Variants in MTREX observed in about 807,000 individuals in gnomAD.
MTREX encodes the protein Mtr4 exosome RNA helicase.
Under a neutral mutation model 135.4 loss-of-function variants are expected in MTREX, and 76 were observed. That is an observed-to-expected ratio of 0.56 (90% CI 0.47 to 0.68). The LOEUF (loss-of-function observed/expected upper bound fraction) is 0.68, where lower values mean the gene tolerates loss of function less well. Ranked by LOEUF, MTREX falls within the 30% of genes least tolerant of loss-of-function variation. MTREX has a pLI of 0.00. For missense variants in MTREX, 920 were observed against 1,262.1 expected (o/e 0.73, Z 4.11); for synonymous variants, 404 against 401.6 (o/e 1.01, Z -0.07).
At chr5:55,345,051 T>C (rs764290200) in intron 9 of MTREX, 43 bp from the exon 10 acceptor site, 2 of 1,134,150 alleles carry the variant, frequency 1.8e-6, no homozygotes, top group East Asian at 4.8e-5. Flanking sequence ...TGAATTATGA[T>C]TAAGTATTAG....
At chr5:55,338,794 T>C (rs1344259276) in intron 5 of MTREX, among the ~76,000 whole-genome samples, 1 of 140,126 alleles carries the variant, frequency 7.1e-6, no homozygotes, top group Non-Finnish European at 1.5e-5. Flanking sequence ...TTCTTTTTTT[T>C]TTTTTTTTTT....
intron 3 of MTREX, among the ~76,000 whole-genome samples, chr5:55,325,684 T>C (rs1300343291): frequency 6.6e-6 from 1 of 151,974 alleles, no homozygotes; most frequent in Non-Finnish European, 1.5e-5. Context: ...TATCGTGTAA[T>C]GCTGAGGTTT....
intron 21 of MTREX, among the ~76,000 whole-genome samples, chr5:55,403,296 A>T (rs1400844267): frequency 2.6e-5 from 4 of 152,156 alleles, no homozygotes; most frequent in Non-Finnish European, 5.9e-5. Context: ...CAATCCATGG[A>T]TGTGGAACCC....
intron 16 of MTREX, among the ~76,000 whole-genome samples, chr5:55,373,021 C>T (rs1750231508): frequency 6.7e-6 from 1 of 149,236 alleles, no homozygotes; most frequent in Non-Finnish European, 1.5e-5. Context: ...GCACTTTAGG[C>T]CTTAGAAATA....
At chr5:55,327,636 ATCAT>A in intron 3 of MTREX, 76 bp from the exon 4 acceptor site, 1 of 1,082,060 alleles carries the variant, frequency 9.2e-7, no homozygotes, top group Non-Finnish European at 1.4e-6. Context: ...TTTCCAAACC[ATCAT>A]TCATTATGGA....
chr5:55,425,015 A>G lies in MTREX; in HGVS notation c.*243A>G. The G allele has an allele frequency of 1.3e-6, 1 of 781,480 alleles. No homozygotes were observed. Among genetic ancestry groups the G allele is most frequent in the Non-Finnish European group, 2.0e-6 (1 of 501,206 alleles). 48.4% of individuals were successfully genotyped at this position (781,480 alleles called of 1,614,324 possible). ...TGGAAGGCTTGGAGTTTTTTTAATG[A>G]GTTTAGAGCTATTAGATAACCACTG... On this transcript the variant is annotated 3_prime_UTR_variant, in exon 27 of 27. Transcript: ENST00000230640.
intron 10 of MTREX, among the ~76,000 whole-genome samples, 198 bp downstream of exon 10, chr5:55,345,394 T>A (rs1749714969): frequency 6.6e-6 from 1 of 152,234 alleles, no homozygotes; most frequent in Non-Finnish European, 1.5e-5. Flanking sequence ...CATCTAAGTA[T>A]ACAATTCAGT....
At chr5:55,360,404 A>G (rs907571688) in intron 15 of MTREX, among the ~76,000 whole-genome samples, 3 of 143,204 alleles carry the variant, frequency 2.1e-5, no homozygotes, top group Non-Finnish European at 4.5e-5. Context: ...GCTGCTATGA[A>G]CTTTTTTTTT....
intron 5 of MTREX, among the ~76,000 whole-genome samples, chr5:55,330,430 C>T (rs563159703): frequency 5.9e-5 from 9 of 152,002 alleles, no homozygotes; most frequent in African/African-American, 9.6e-5. Flanking sequence ...TGTTTTCCTC[C>T]GTGTCTCTTA....
At position 55,366,502 on chromosome 5, in the gene MTREX, A is replaced by C. The variant is rs1750107112; in HGVS notation, c.1660-223A>C. ...ATGCTTAGAGGGCAGAGAGCTACAC[A>C]TTTGGCAAACAGTATTTTAAATACT... On this transcript the variant is annotated intron_variant, in intron 15 of 26. Coordinates refer to ENST00000230640, the MANE Select transcript of MTREX (RefSeq NM_015360.5). Among the ~76,000 whole-genome samples the C allele has an allele frequency of 2.6e-5, 4 of 152,080 alleles. No individual in the cohort carries two copies. The South Asian group carries it at 8.3e-4, about 32-fold the overall frequency.
At chr5:55,357,710 C>G (rs1216384796) in intron 14 of MTREX, among the ~76,000 whole-genome samples, 1 of 152,178 alleles carries the variant, frequency 6.6e-6, no homozygotes, top group Non-Finnish European at 1.5e-5. Flanking sequence ...GTTTTTAACT[C>G]TTTTTGAGTT....
Position 55,358,698 on chromosome 5 carries a change from G to T in MTREX, c.1659G>T (p.Lys553Asn). ...MSPTIGKQLL[K>N]GSADPLNSAF... ...CAACAATTGGAAAACAATTACTTAA[G>T]GTAACTACATTAAGATTGTGTACCT... The change falls in exon 15 of 27, where the codon AAG (lysine) becomes AAT (asparagine). Residue 553 changes from lysine to asparagine, a missense_variant and splice_region_variant. Around this residue, in one of 6 missense-constraint regions of MTREX, gnomAD observed 467 missense variants for 589.7 expected, o/e 0.79. Transcript: ENST00000230640. 6.3e-7 allele frequency: 1 copy of T among 1,587,528 alleles called. No homozygotes were observed. The highest frequency in any genetic ancestry group is 8.5e-7 in the Non-Finnish European group (1 of 1,171,902).
At chr5:55,393,887 T>C (rs2111577412) in intron 19 of MTREX, among the ~76,000 whole-genome samples, 1 of 152,358 alleles carries the variant, frequency 6.6e-6, no homozygotes, top group East Asian at 1.9e-4. Context: ...TAACTTCTTG[T>C]TTATAAAATG....
At chr5:55,316,783 G>C (rs1199113784) in intron 1 of MTREX, among the ~76,000 whole-genome samples, 1 of 152,170 alleles carries the variant, frequency 6.6e-6, no homozygotes, top group African/African-American at 2.4e-5. Flanking sequence ...GTCCTAGCCA[G>C]AGCAGTTAGG....
intron 15 of MTREX, among the ~76,000 whole-genome samples, chr5:55,359,142 C>T (rs1749968665): frequency 1.3e-5 from 2 of 152,098 alleles, no homozygotes; most frequent in African/African-American, 4.8e-5. Context: ...TACACTTTAC[C>T]CTATTGATTA....
At position 55,378,469 on chromosome 5, in the gene MTREX, C is replaced by T. The variant is rs750952588; in HGVS notation, c.1966C>T (p.Pro656Ser). The change falls in exon 17 of 27, where the codon CCA (proline) becomes TCA (serine). Residue 656 changes from proline to serine, a missense_variant. By Grantham distance (74) the Pro-to-Ser change is moderately conservative. Transcript: ENST00000230640. ...KPKYCLPFLQ[P>S]GRLVKVKNEG... ...AAAATACTGCTTACCTTTTCTACAA[C>T]CAGGTCGTTTGGTAAAGGTATGTCA... The T allele has an allele frequency of 6.2e-6, 10 of 1,608,146 alleles. No individual in the cohort carries two copies. The highest frequency in any genetic ancestry group is 8.5e-6 in the Non-Finnish European group (10 of 1,178,312).
intron 4 of MTREX, 47 bp downstream of exon 4, chr5:55,327,825 T>C (rs1278886903): frequency 7.5e-7 from 1 of 1,337,662 alleles, no homozygotes; most frequent in Non-Finnish European, 1.1e-6. Context: ...TGAGACTCTC[T>C]TTTTCTTAAA....
chr5:55,377,995 G>A (rs1750331824), intron 16 of MTREX, among the ~76,000 whole-genome samples: 1 of 146,456 alleles, frequency 6.8e-6, no homozygotes, highest in African/African-American at 2.6e-5. Flanking sequence ...ATACGGAAAG[G>A]TGCAAAAAAA....
intron 5 of MTREX, among the ~76,000 whole-genome samples, chr5:55,336,892 C>G (rs1248002537): frequency 2.6e-5 from 4 of 152,130 alleles, no homozygotes; most frequent in African/African-American, 9.7e-5. Flanking sequence ...CTTATAAAGT[C>G]TTTGGCATTG....
Sources: allele counts gnomAD v4.1 joint callset (sites outside exome capture counted in the v4.1 genomes callset), GRCh38; gene constraint gnomAD v4.1.1; regional missense constraint gnomAD v4.1.1; transcripts MANE v1.5; gene names NCBI Gene and HGNC (gene_info 2026-07-23, HGNC 2026-07-21).